Variants in MAN1A2 observed in about 807,000 individuals in gnomAD.
The protein encoded by MAN1A2 is mannosyl-oligosaccharide 1,2-alpha-mannosidase IB.
In MAN1A2, 26 loss-of-function variants were observed where a neutral mutation model predicts 75.7. The ratio of observed to expected loss-of-function variants is 0.34; its 90% CI spans 0.25 to 0.48. The LOEUF (loss-of-function observed/expected upper bound fraction) is 0.48, where lower values mean the gene tolerates loss of function less well. Among genes scored for constraint, MAN1A2 ranks in the 20% least tolerant of loss-of-function variants. The pLI, the probability that MAN1A2 is intolerant of heterozygous loss-of-function variation, is 0.99. For missense variants in MAN1A2, 562 were observed against 775.5 expected (o/e 0.72, Z 3.27); for synonymous variants, 247 against 264.6 (o/e 0.93, Z 0.65).
rs1042606275 is a variant in MAN1A2, at chr1:117,524,828, C to T, written c.*1871C>T. ...TTTGACATTGTAATATCTTTTACTA[C>T]TTGAACATTTAAATTTCTAAATGAG... On this transcript the variant is annotated 3_prime_UTR_variant, in exon 13 of 13. Transcript: ENST00000356554. 33 of 194,766 alleles carry T rather than the reference C, an allele frequency of 1.7e-4. No individual in the cohort carries two copies. Among genetic ancestry groups the T allele is most frequent in the African/African-American group, 7.6e-4 (33 of 43,272 alleles). 12.1% of individuals were successfully genotyped at this position (194,766 alleles called of 1,614,324 possible).
chr1:117,502,158 T>A (rs1177034066), intron 11 of MAN1A2, among the ~76,000 whole-genome samples: 1 of 151,720 alleles, frequency 6.6e-6, no homozygotes, highest in Non-Finnish European at 1.5e-5. Flanking sequence ...AGTTTTCCCA[T>A]CTGAAAAGTG....
rs1170453593 is a variant in MAN1A2 at position 117,466,399 on chromosome 1, G to A, written c.1140G>A (p.Leu380=). Residue 380 remains leucine (L), a synonymous_variant, in exon 8 of 13, where the codon TTG becomes TTA. Transcript: ENST00000356554. ...CAAATGGTCTTTATCCAAATTATTTGAACCCCAGAACAGGGCGCTGGGGTC... is the reference window on the plus strand; with the variant it reads ...CAAATGGTCTTTATCCAAATTATTTAAACCCCAGAACAGGGCGCTGGGGTC... ...DRPNGLYPNY[L]NPRTGRWGQY... is the part of the protein sequence containing the mutation. The A allele has an allele frequency of 5.6e-6, 9 of 1,611,106 alleles. No homozygotes were observed. The highest frequency in any genetic ancestry group is 1.7e-6 in the Non-Finnish European group (2 of 1,178,448).
chr1:117,451,799 C>T (rs1413296492), intron 6 of MAN1A2, among the ~76,000 whole-genome samples: 1 of 152,086 alleles, frequency 6.6e-6, no homozygotes, highest in African/African-American at 2.4e-5. Flanking sequence ...TGTGAATTGC[C>T]CAGTCTCAGG....
At chr1:117,431,444 T>G (rs1252162222) in intron 5 of MAN1A2, among the ~76,000 whole-genome samples, 1 of 152,060 alleles carries the variant, frequency 6.6e-6, no homozygotes, top group Non-Finnish European at 1.5e-5. Context: ...TCTCTTCAAC[T>G]GATAGAATAA....
At chr1:117,478,132 T>A (rs1307230801) in intron 8 of MAN1A2, among the ~76,000 whole-genome samples, 1 of 151,920 alleles carries the variant, frequency 6.6e-6, no homozygotes, top group African/African-American at 2.4e-5. Context: ...TTAATAGATG[T>A]GTAGTGGTAA....
chr1:117,448,560 T>C (rs7543108), intron 6 of MAN1A2, among the ~76,000 whole-genome samples: 22,107 of 152,142 alleles, frequency 0.15, 1,849 homozygotes, highest in African/African-American at 0.22. Flanking sequence ...GTGAGAAATA[T>C]ATGAAATAAA....
At chr1:117,451,356 T>C (rs1649411741) in intron 6 of MAN1A2, among the ~76,000 whole-genome samples, 1 of 152,270 alleles carries the variant, frequency 6.6e-6, no homozygotes, top group African/African-American at 2.4e-5. Flanking sequence ...AACTTGATTT[T>C]GACTTTACAG....
intron 6 of MAN1A2, among the ~76,000 whole-genome samples, chr1:117,449,857 C>T (rs184965873): frequency 5.0e-4 from 76 of 152,276 alleles, no homozygotes; most frequent in Admixed American, 4.3e-3. Context: ...ACTCTCTTCA[C>T]GTCTGTGAAT....
chr1:117,454,381 A>G (rs1010582595), intron 6 of MAN1A2, among the ~76,000 whole-genome samples: 1 of 152,206 alleles, frequency 6.6e-6, no homozygotes. Flanking sequence ...AAACAGCCAG[A>G]GAAGAAAGGC....
intron 3 of MAN1A2, among the ~76,000 whole-genome samples, chr1:117,413,073 T>C (rs528542304): frequency 5.3e-5 from 8 of 152,024 alleles, no homozygotes; most frequent in African/African-American, 1.9e-4. Flanking sequence ...TATTCAAGAA[T>C]TTATGCAAGA....
chr1:117,387,216 T>TA (rs565416366), intron 1 of MAN1A2, among the ~76,000 whole-genome samples: 24,767 of 125,404 alleles, frequency 0.2, 2,557 homozygotes, highest in African/African-American at 0.28. Flanking sequence ...ATGGCTGTTG[T>TA]AAAAAAAAAA....
Position 117,431,029 on chromosome 1 carries a change from G to A in MAN1A2, c.855+10380G>A, listed in dbSNP as rs1414235761. The stretch of plus-strand genomic sequence containing the variant: ...TGGAGACCGGCCCGGCCAACACAGT[G>A]AAACCCCGTCTCCACCAAAACCAGT... On this transcript the variant is annotated intron_variant, in intron 5 of 12. Coordinates refer to ENST00000356554, the MANE Select transcript of MAN1A2 (RefSeq NM_006699.5). Among the ~76,000 whole-genome samples, 11 of 131,112 alleles carry A rather than the reference G, an allele frequency of 8.4e-5. No individual in the cohort carries two copies. In the East Asian group the frequency reaches 1.2e-3, roughly 14 times the overall value. The allele number at this position is 131,112 out of a possible 152,430, so 86.0% of individuals were successfully genotyped here.
intron 5 of MAN1A2, among the ~76,000 whole-genome samples, chr1:117,430,318 C>A (rs1326783972): frequency 1.5e-5 from 2 of 133,198 alleles, no homozygotes; most frequent in South Asian, 2.6e-4. Flanking sequence ...TGACCCCCCC[C>A]ACCTCCCTCC....
At chr1:117,488,620 A>G (rs943711048) in intron 8 of MAN1A2, among the ~76,000 whole-genome samples, 6 of 152,080 alleles carry the variant, frequency 3.9e-5, no homozygotes, top group South Asian at 2.1e-4. Context: ...AACTTTTATG[A>G]TGCCAGAAAT....
At position 117,525,129 on chromosome 1, in the gene MAN1A2, A is replaced by C. The variant is rs775754861; in HGVS notation, c.*2172A>C. ...TGAGGAGACAGAACCCCTACTTCCA[A>C]GTGCTCTATTTGTATTACCCAGATG... On this transcript the variant is annotated 3_prime_UTR_variant, in exon 13 of 13. Coordinates refer to ENST00000356554, the MANE Select transcript of MAN1A2 (RefSeq NM_006699.5). 2 of 529,202 alleles carry C rather than the reference A, an allele frequency of 3.8e-6. No individual in the cohort carries two copies. Among genetic ancestry groups the C allele is most frequent in the Non-Finnish European group, 7.7e-6 (2 of 258,308 alleles). 32.8% of individuals were successfully genotyped at this position (529,202 alleles called of 1,614,324 possible). A position where few individuals can be genotyped will look rare whatever the true frequency, so the allele number is the denominator to read the frequency against.
intron 8 of MAN1A2, 85 bp downstream of exon 8, chr1:117,466,512 G>A (rs1055864210): frequency 5.9e-6 from 5 of 851,400 alleles, no homozygotes; most frequent in South Asian, 1.9e-5. Context: ...AGTACACTAC[G>A]TGGAGTTAGA....
chr1:117,465,568 AAG>A (rs1208608270), intron 7 of MAN1A2, among the ~76,000 whole-genome samples: 14 of 152,174 alleles, frequency 9.2e-5, no homozygotes, highest in Non-Finnish European at 1.9e-4. Context: ...TCCTCTGAAA[AAG>A]AAAGTTTTCC....
chr1:117,377,681 G>GT (rs1023653053), intron 1 of MAN1A2, among the ~76,000 whole-genome samples: 10 of 148,960 alleles, frequency 6.7e-5, no homozygotes, highest in Admixed American at 2.0e-4. Flanking sequence ...GGGTTTCTTT[G>GT]TTTTTTTGTG....
chr1:117,387,303 A>G (rs1048559237), intron 1 of MAN1A2, among the ~76,000 whole-genome samples: 1 of 152,052 alleles, frequency 6.6e-6, no homozygotes, highest in African/African-American at 2.4e-5. Context: ...GGGGAATGTA[A>G]AATGGTGTAG....
Sources: gnomAD v4.1 joint callset for allele counts (sites outside exome capture counted in the v4.1 genomes callset) on GRCh38, gnomAD v4.1.1 for gene constraint, MANE v1.5 for transcripts, NCBI Gene and HGNC (gene_info 2026-07-23, HGNC 2026-07-21) for gene names.